CNTN4: variants seen among roughly 807,000 people sequenced by gnomAD.
CNTN4 encodes contactin 4, also known as contactin-4.
CNTN4 carries 77 observed loss-of-function variants against 122.5 expected under a neutral mutation model. The observed-to-expected ratio is 0.63, with a 90% CI of 0.52 to 0.76. CNTN4 has a LOEUF of 0.76. Ranked by LOEUF, CNTN4 falls within the 30% of genes least tolerant of loss-of-function variation. CNTN4 has a pLI of 0.00. For synonymous variants in CNTN4, 512 were observed against 447.0 expected (o/e 1.15, Z -1.83); for missense variants, 1,256 against 1,259.1 (o/e 1.00, Z 0.04).
intron 3 of CNTN4, among the ~76,000 whole-genome samples, chr3:2,470,742 C>G (rs1305005186): frequency 6.6e-6 from 1 of 152,124 alleles, no homozygotes; most frequent in East Asian, 1.9e-4. Context: ...AAAATTAGAC[C>G]TGGCCTGCCT....
chr3:2,223,417 C>T (rs1327661052), intron 2 of CNTN4, among the ~76,000 whole-genome samples: 1 of 152,146 alleles, frequency 6.6e-6, no homozygotes, highest in Non-Finnish European at 1.5e-5. Context: ...AAGCCCTTAA[C>T]TCAGTGTCTG....
At chr3:2,242,809 C>G (rs984589385) in intron 2 of CNTN4, among the ~76,000 whole-genome samples, 2 of 152,100 alleles carry the variant, frequency 1.3e-5, no homozygotes, top group Non-Finnish European at 2.9e-5. Flanking sequence ...TATTCAGATC[C>G]TCATGATCTC....
At chr3:2,669,893 T>C (rs923697518) in intron 4 of CNTN4, among the ~76,000 whole-genome samples, 29 of 152,220 alleles carry the variant, frequency 1.9e-4, no homozygotes, top group Non-Finnish European at 2.8e-4. Context: ...TTCCATGTAG[T>C]TGAGCAGTTT....
chr3:2,604,378 C>CT (rs2081173979), intron 4 of CNTN4, among the ~76,000 whole-genome samples: 1 of 152,070 alleles, frequency 6.6e-6, no homozygotes, highest in Non-Finnish European at 1.5e-5. Context: ...TCAGCTCCTT[C>CT]TATGTAAGGT....
chr3:2,420,123 C>G (rs565834080), intron 3 of CNTN4, among the ~76,000 whole-genome samples: 2 of 152,180 alleles, frequency 1.3e-5, no homozygotes, highest in Non-Finnish European at 1.5e-5. Flanking sequence ...TGTCAGTGCC[C>G]TATCCATATG....
intron 2 of CNTN4, among the ~76,000 whole-genome samples, chr3:2,295,591 T>C (rs2042281250): frequency 1.3e-5 from 2 of 152,190 alleles, no homozygotes; most frequent in Admixed American, 6.5e-5. Flanking sequence ...CTTTGTCAGA[T>C]GAGTAGGTTG....
chr3:2,876,302 G>C (rs546086848), intron 8 of CNTN4, among the ~76,000 whole-genome samples: 1 of 152,266 alleles, frequency 6.6e-6, no homozygotes, highest in South Asian at 2.1e-4. Context: ...CTTCAACCCA[G>C]GGGAAAACAT....
At chr3:2,249,372 C>A (rs943424102) in intron 2 of CNTN4, among the ~76,000 whole-genome samples, 7 of 151,948 alleles carry the variant, frequency 4.6e-5, no homozygotes, top group African/African-American at 1.7e-4. Flanking sequence ...TTAAAATAAT[C>A]TTCCGACCTC....
At chr3:2,683,830 C>A (rs1459336757) in intron 4 of CNTN4, among the ~76,000 whole-genome samples, 3 of 152,264 alleles carry the variant, frequency 2.0e-5, no homozygotes, top group African/African-American at 7.2e-5. Flanking sequence ...TTATCACCAC[C>A]TGCCATAGAA....
chr3:2,234,370 C>CAAAA (rs72401999), intron 2 of CNTN4, among the ~76,000 whole-genome samples: 12,278 of 94,442 alleles, frequency 0.13, 1,093 homozygotes, highest in Non-Finnish European at 0.18. Context: ...AAGTCCATCT[C>CAAAA]AAAAAAAAAA....
At chr3:2,735,814 C>T in intron 4 of CNTN4, 1 of 379,454 alleles carries the variant, frequency 2.6e-6, no homozygotes, top group Non-Finnish European at 5.1e-6. Flanking sequence ...CATCTCATTA[C>T]AGCACAGAAA....
At chr3:2,747,302 G>A (rs1028497388) in intron 6 of CNTN4, among the ~76,000 whole-genome samples, 6 of 151,636 alleles carry the variant, frequency 4.0e-5, no homozygotes, top group Non-Finnish European at 4.4e-5. Context: ...CCAGCTGCTC[G>A]GGAGGCTGAG....
intron 4 of CNTN4, among the ~76,000 whole-genome samples, chr3:2,635,437 A>G (rs1188140084): frequency 5.9e-5 from 9 of 152,204 alleles, no homozygotes; most frequent in Non-Finnish European, 1.3e-4. Context: ...ATCTGTGAGT[A>G]AAAAAGGTGC....
chr3:2,753,794 T>G (rs75774281), intron 6 of CNTN4, among the ~76,000 whole-genome samples: 9,546 of 152,270 alleles, frequency 0.063, 442 homozygotes, highest in East Asian at 0.14. Flanking sequence ...TGTTTTTAAT[T>G]TTTTAGTTGT....
intron 3 of CNTN4, among the ~76,000 whole-genome samples, chr3:2,565,562 G>A (rs543361311): frequency 2.0e-5 from 3 of 152,268 alleles, no homozygotes; most frequent in African/African-American, 7.2e-5. Flanking sequence ...ACTATATCTT[G>A]TATGGTCAAT....
At chr3:2,704,800 G>A (rs1559406983) in intron 4 of CNTN4, among the ~76,000 whole-genome samples, 1 of 152,164 alleles carries the variant, frequency 6.6e-6, no homozygotes, top group South Asian at 2.1e-4. Context: ...AAGATGTAAT[G>A]TATCTTATTA....
intron 2 of CNTN4, among the ~76,000 whole-genome samples, chr3:2,113,420 A>G (rs1191934252): frequency 5.9e-5 from 9 of 152,212 alleles, no homozygotes; most frequent in Non-Finnish European, 1.3e-4. Context: ...TGGCATCTCC[A>G]AGGAGCTTGT....
intron 6 of CNTN4, among the ~76,000 whole-genome samples, chr3:2,747,366 G>A (rs1244891832): frequency 6.5e-4 from 98 of 150,154 alleles, no homozygotes; most frequent in Middle Eastern, 3.5e-3. Flanking sequence ...CCGAGATGGC[G>A]CCACTGGACT....
intron 2 of CNTN4, among the ~76,000 whole-genome samples, chr3:2,147,392 T>G (rs1212214777): frequency 6.6e-6 from 1 of 152,112 alleles, no homozygotes; most frequent in Non-Finnish European, 1.5e-5. Context: ...AAAAAAAAAT[T>G]TGCAGTAATT....
Sources: allele counts gnomAD v4.1 joint callset (sites outside exome capture counted in the v4.1 genomes callset), GRCh38; gene constraint gnomAD v4.1.1; transcripts MANE v1.5; gene names NCBI Gene and HGNC (gene_info 2026-07-23, HGNC 2026-07-21).